The following GRIN3A variants were observed in gnomAD, a reference collection of about 807,000 sequenced individuals.
GRIN3A encodes the protein glutamate receptor ionotropic, NMDA 3A.
GRIN3A carries 47 observed loss-of-function variants against 92.4 expected under a neutral mutation model. The ratio of observed to expected loss-of-function variants is 0.51; its 90% CI spans 0.40 to 0.65. GRIN3A has a LOEUF of 0.65. Among genes scored for constraint, GRIN3A ranks in the 30% least tolerant of loss-of-function variants. The probability of loss-of-function intolerance (pLI) is 0.00; values close to 1 mark genes in which losing one functional copy is unlikely to be tolerated. For missense variants in GRIN3A, 1,324 were observed against 1,393.1 expected, an observed-to-expected ratio of 0.95 and a Z score of 0.79; for synonymous variants, 527 against 540.6, an observed-to-expected ratio of 0.97 and a Z score of 0.35.
chr9:101,656,678 T>C (rs1829092555), intron 3 of GRIN3A, among the ~76,000 whole-genome samples: 1 of 151,842 alleles, frequency 6.6e-6, no homozygotes, highest in South Asian at 2.1e-4. Flanking sequence ...GCTCCTGGAG[T>C]TGCCAGAACT....
intron 3 of GRIN3A, among the ~76,000 whole-genome samples, chr9:101,666,683 C>T (rs1175624498): frequency 6.6e-6 from 1 of 152,032 alleles, no homozygotes; most frequent in African/African-American, 2.4e-5. Context: ...GAACTGACTA[C>T]CATATTTTCT....
Position 101,670,416 on chromosome 9 carries a change from T to C in GRIN3A, c.1996A>G (p.Ile666Val), listed in dbSNP as rs776804921. ...LVRTRDTAAPIGAFMWPLHWT... is the reference protein window; with the variant it reads ...LVRTRDTAAPVGAFMWPLHWT... ...TGGAGTGGCCACATGAAGGCTCCAA[T>C]GGGAGCTGCTGTATCTCGGGTCCTC... Residue 666 changes from isoleucine to valine, a missense_variant, in exon 3 of 9, where the codon ATT becomes GTT. Transcript: ENST00000361820. 2 of 1,613,876 alleles carry C rather than the reference T, an allele frequency of 1.2e-6. No homozygotes were observed. Among genetic ancestry groups the C allele is most frequent in the African/African-American group, 2.7e-5 (2 of 74,928 alleles).
At chr9:101,699,189 T>C (rs1829723557) in intron 1 of GRIN3A, among the ~76,000 whole-genome samples, 1 of 152,184 alleles carries the variant, frequency 6.6e-6, no homozygotes, top group Non-Finnish European at 1.5e-5. Flanking sequence ...AAAATAAAGA[T>C]ATGAACAGAT....
At chr9:101,698,135 A>G (rs927603936) in intron 1 of GRIN3A, among the ~76,000 whole-genome samples, 6 of 152,192 alleles carry the variant, frequency 3.9e-5, no homozygotes, top group African/African-American at 1.2e-4. Flanking sequence ...TAGTTAATGC[A>G]AAAAAAGTCC....
chr9:101,574,378 T>C (rs1827800285), intron 8 of GRIN3A, among the ~76,000 whole-genome samples: 1 of 152,188 alleles, frequency 6.6e-6, no homozygotes, highest in South Asian at 2.1e-4. Context: ...TAGCTGCTGA[T>C]TTTTTCCACC....
At chr9:101,594,202 C>A in intron 6 of GRIN3A, 1 of 558,990 alleles carries the variant, frequency 1.8e-6, no homozygotes, top group Non-Finnish European at 3.0e-6. Context: ...ATTTGACTTG[C>A]TCTTCCCCCT....
At chr9:101,573,602 T>A in intron 8 of GRIN3A, 89 bp from the exon 9 acceptor site, 1 of 1,029,848 alleles carries the variant, frequency 9.7e-7, no homozygotes, top group Non-Finnish European at 1.5e-6. Context: ...TGTGCAATAA[T>A]ATGGAGCTGG....
In GRIN3A at chr9:101,572,976, C is replaced by T; in HGVS notation, c.*198G>A. 1.7e-6 allele frequency: 1 copy of T among 596,086 alleles called. No homozygotes were observed. The highest frequency in any genetic ancestry group is 2.9e-5 in the East Asian group (1 of 35,064). The allele number at this position is 596,086 out of a possible 1,614,324, so 36.9% of individuals were successfully genotyped here. A position where few individuals can be genotyped will look rare whatever the true frequency, so the allele number is the denominator to read the frequency against. On this transcript the variant is annotated 3_prime_UTR_variant, in exon 9 of 9. Coordinates refer to ENST00000361820, the MANE Select transcript of GRIN3A (RefSeq NM_133445.3). ...CTAAGATTCTTGCTAGAAAAACACT[C>T]CTACCCTGGAGACCTAGAGAGTGAG...
rs1173921458 is a variant in GRIN3A at position 101,579,278 on chromosome 9, A to G, written c.2849T>C (p.Ile950Thr). The G allele has an allele frequency of 7.4e-6, 12 of 1,613,932 alleles. No homozygotes were observed. The highest frequency in any genetic ancestry group is 1.1e-5 in the South Asian group (1 of 91,088). The part of the protein sequence containing the change: ...IGFGLSILTT[I>T]GEHIVYRLLL... ...CAGCCTGTATACTATGTGCTCACCAATGGTGGTCAAAATGGACAGACCAAA... is the reference window on the plus strand; with the variant it reads ...CAGCCTGTATACTATGTGCTCACCAGTGGTGGTCAAAATGGACAGACCAAA... Residue 950 changes from isoleucine to threonine, a missense_variant, in exon 7 of 9, where the codon ATT becomes ACT. Coordinates refer to ENST00000361820, the MANE Select transcript of GRIN3A (RefSeq NM_133445.3).
rs56936215 is a variant in GRIN3A at position 101,646,923 on chromosome 9, TA to T, written c.2353-18523del. ...TAGAGTCTTTAGGGCTTTCTAAATATAAAAAAAAATCTGTGAAAAAGGATAA... is the reference window on the plus strand; with the variant it reads ...TAGAGTCTTTAGGGCTTTCTAAATATAAAAAAAATCTGTGAAAAAGGATAA... On this transcript the variant is annotated intron_variant, in intron 3 of 8. Transcript: ENST00000361820. Among the ~76,000 whole-genome samples, 12 of 151,166 alleles carry T rather than the reference TA, an allele frequency of 7.9e-5. No homozygotes were observed. In the East Asian group the frequency reaches 1.2e-3, roughly 15 times the overall value.
chr9:101,608,150 T>C (rs1437241501), intron 6 of GRIN3A, among the ~76,000 whole-genome samples: 5 of 152,118 alleles, frequency 3.3e-5, no homozygotes, highest in Non-Finnish European at 5.9e-5. Context: ...AAAGAAGAGC[T>C]CTGTGTGTGT....
intron 6 of GRIN3A, among the ~76,000 whole-genome samples, chr9:101,586,016 G>A (rs1809763555): frequency 6.6e-6 from 1 of 151,950 alleles, no homozygotes. Flanking sequence ...GCCACTTGAG[G>A]GTATTTTCAT....
chr9:101,694,483 C>G (rs907927225), intron 1 of GRIN3A, among the ~76,000 whole-genome samples: 1 of 152,154 alleles, frequency 6.6e-6, no homozygotes, highest in African/African-American at 2.4e-5. Flanking sequence ...ACTTTTTTCC[C>G]ATGATAATTC....
At chr9:101,599,772 C>A (rs1433095649) in intron 6 of GRIN3A, among the ~76,000 whole-genome samples, 4 of 152,162 alleles carry the variant, frequency 2.6e-5, no homozygotes, top group East Asian at 1.9e-4. Context: ...TCATATAAGG[C>A]TTCATTTTTC....
At chr9:101,642,223 G>C (rs961829988) in intron 3 of GRIN3A, among the ~76,000 whole-genome samples, 2 of 152,102 alleles carry the variant, frequency 1.3e-5, no homozygotes, top group African/African-American at 2.4e-5. Flanking sequence ...ATACACAATA[G>C]TGAAAGGATA....
chr9:101,576,427 A>T (rs1827828544), intron 8 of GRIN3A, among the ~76,000 whole-genome samples: 1 of 152,198 alleles, frequency 6.6e-6, no homozygotes, highest in Non-Finnish European at 1.5e-5. Context: ...GGGGTTCAGG[A>T]AGGGAATCTG....
At chr9:101,692,761 T>C (rs969661194) in intron 1 of GRIN3A, among the ~76,000 whole-genome samples, 2 of 152,200 alleles carry the variant, frequency 1.3e-5, no homozygotes, top group Non-Finnish European at 2.9e-5. Context: ...TGTTTCTCAT[T>C]ATCTCACATC....
intron 1 of GRIN3A, among the ~76,000 whole-genome samples, chr9:101,718,082 A>G (rs1829969820): frequency 6.6e-6 from 1 of 152,210 alleles, no homozygotes; most frequent in Admixed American, 6.5e-5. Flanking sequence ...GGTTTTCCAC[A>G]GGTGTGATTT....
intron 8 of GRIN3A, 106 bp from the exon 9 acceptor site, chr9:101,573,619 A>C (rs937576794): frequency 2.2e-6 from 2 of 893,706 alleles, no homozygotes; most frequent in African/African-American, 3.3e-5. Context: ...CTGGGTGTGC[A>C]TTTAGAGATG....
Sources: allele counts gnomAD v4.1 joint callset (sites outside exome capture counted in the v4.1 genomes callset), GRCh38; gene constraint gnomAD v4.1.1; transcripts MANE v1.5; gene names NCBI Gene and HGNC (gene_info 2026-07-23, HGNC 2026-07-21).